PRDM2: variants seen among roughly 807,000 people sequenced by gnomAD.
The protein encoded by PRDM2 is PR domain zinc finger protein 2.
In PRDM2, 30 loss-of-function variants were observed where a neutral mutation model predicts 130.0. That is an observed-to-expected ratio of 0.23 (90% CI 0.17 to 0.31). The LOEUF is 0.31. PRDM2 is among the 10% of genes least tolerant of loss of function. PRDM2 has a pLI of 1.00. For synonymous variants in PRDM2, 871 were observed against 782.4 expected (o/e 1.11, Z -1.89); for missense variants, 2,011 against 2,108.4 (o/e 0.95, Z 0.90).
intron 2 of PRDM2, among the ~76,000 whole-genome samples, chr1:13,729,511 T>G (rs1557604175): frequency 6.6e-6 from 1 of 152,196 alleles, no homozygotes; most frequent in Non-Finnish European, 1.5e-5. Context: ...ACCTTTTCCC[T>G]CTTTGGAAAT....
At chr1:13,775,440 G>A (rs750765445) in intron 7 of PRDM2, among the ~76,000 whole-genome samples, 1 of 152,180 alleles carries the variant, frequency 6.6e-6, no homozygotes, top group Admixed American at 6.5e-5. Flanking sequence ...AAGAGAGGTA[G>A]CTCCTAATTT....
intron 1 of PRDM2, 83 bp from the exon 2 acceptor site, chr1:13,715,458 A>G (rs1314431338): frequency 3.7e-6 from 2 of 541,712 alleles, no homozygotes; most frequent in African/African-American, 2.0e-5. Flanking sequence ...CCTTTCAGCA[A>G]ACTCTACAGT....
intron 7 of PRDM2, among the ~76,000 whole-genome samples, chr1:13,775,553 A>G (rs1644457558): frequency 6.6e-6 from 1 of 152,216 alleles, no homozygotes; most frequent in African/African-American, 2.4e-5. Context: ...TCTGTTTGGA[A>G]ACAGAAACCT....
chr1:13,815,670 G>A (rs958798098), intron 8 of PRDM2, among the ~76,000 whole-genome samples: 1 of 152,154 alleles, frequency 6.6e-6, no homozygotes, highest in East Asian at 1.9e-4. Flanking sequence ...GAAAGGAGAG[G>A]ACTAATGGTG....
chr1:13,817,319 C>T (rs2463873), intron 9 of PRDM2, among the ~76,000 whole-genome samples: 1 of 152,148 alleles, frequency 6.6e-6, no homozygotes, highest in African/African-American at 2.4e-5. Context: ...TGTAATCTGT[C>T]CTAATCCATA....
rs554848527 is a variant in PRDM2, at chr1:13,727,097, A to G, written c.10-3903A>G. ...CTCCTACCTTCTCTGCTCTGGACACATGGGTCTTTTTGCCTGGATACTGCG... is the reference window on the plus strand; with the variant it reads ...CTCCTACCTTCTCTGCTCTGGACACGTGGGTCTTTTTGCCTGGATACTGCG... On this transcript the variant is annotated intron_variant, in intron 2 of 9. Coordinates refer to ENST00000311066, the MANE Select transcript of PRDM2 (RefSeq NM_001393986.1). Among the ~76,000 whole-genome samples, 177 of 152,104 alleles carry G rather than the reference A, an allele frequency of 1.2e-3. 3 individuals are homozygous for G. In the South Asian group the frequency reaches 0.036, roughly 31 times the overall value.
Position 13,824,160 on chromosome 1 carries a change from G to A in PRDM2, c.*1025G>A, listed in dbSNP as rs1645398092. 1 of 152,672 alleles carries A rather than the reference G, an allele frequency of 6.5e-6. No homozygotes were observed. Among genetic ancestry groups the A allele is most frequent in the African/African-American group, 2.4e-5 (1 of 41,452 alleles). The allele number at this position is 152,672 out of a possible 1,614,324, so 9.5% of individuals were successfully genotyped here. A position where few individuals can be genotyped will look rare whatever the true frequency, so the allele number is the denominator to read the frequency against. ...TCGGAGAAACGGGTGAGCTGAGCTTGGCGTTTGGACCCAGTTCAGTGAGGT... is the reference window on the plus strand; with the variant it reads ...TCGGAGAAACGGGTGAGCTGAGCTTAGCGTTTGGACCCAGTTCAGTGAGGT... On this transcript the variant is annotated 3_prime_UTR_variant, in exon 10 of 10. Transcript: ENST00000311066.
chr1:13,720,951 A>G (rs1204013562), intron 2 of PRDM2, among the ~76,000 whole-genome samples: 1 of 152,266 alleles, frequency 6.6e-6, no homozygotes, highest in African/African-American at 2.4e-5. Flanking sequence ...CCGTGTAACT[A>G]TCACTGCTGT....
At chr1:13,804,597 G>A (rs542962778) in intron 8 of PRDM2, among the ~76,000 whole-genome samples, 2 of 152,146 alleles carry the variant, frequency 1.3e-5, no homozygotes, top group Admixed American at 6.5e-5. Flanking sequence ...GCTCCGGGGG[G>A]GGAAATGATG....
chr1:13,724,386 G>A (rs1410979569), intron 2 of PRDM2, among the ~76,000 whole-genome samples: 1 of 152,080 alleles, frequency 6.6e-6, no homozygotes, highest in African/African-American at 2.4e-5. Context: ...CCTGTTTGGG[G>A]AAAGCAAATG....
At chr1:13,766,110 C>T (rs1168799143) in intron 6 of PRDM2, among the ~76,000 whole-genome samples, 2 of 152,140 alleles carry the variant, frequency 1.3e-5, no homozygotes, top group Non-Finnish European at 2.9e-5. Context: ...CTTTTTGCTC[C>T]AGAGTGTTCT....
intron 6 of PRDM2, among the ~76,000 whole-genome samples, chr1:13,772,497 C>CA (rs1644381705): frequency 6.6e-6 from 1 of 152,218 alleles, no homozygotes; most frequent in East Asian, 1.9e-4. Flanking sequence ...TTAGGGCTCT[C>CA]AGAGTGCCAT....
rs148608898 is a variant in PRDM2 at position 13,782,585 on chromosome 1, A to G, written c.4790A>G (p.Lys1597Arg). The change falls in exon 8 of 10, where the codon AAG becomes AGG. Residue 1597 changes from lysine (K) to arginine (R), a missense_variant. Lys to Arg is a conservative substitution (Grantham distance 26). Transcript: ENST00000311066. ...GGGAAAAAACCTAAAGCTGTGGCCA[A>G]GAATCATTCTGCTCAGCTTTCCAGC... Reference protein sequence around the residue: ...VEGKKPKAVAKNHSAQLSSKT... With the variant: ...VEGKKPKAVARNHSAQLSSKT... The G allele has an allele frequency of 2.0e-4, 327 of 1,614,238 alleles. 3 individuals carry two copies. The African/African-American group carries it at 3.8e-3, about 19-fold the overall frequency.
intron 8 of PRDM2, among the ~76,000 whole-genome samples, chr1:13,798,924 G>A (rs746694211): frequency 1.1e-4 from 17 of 152,196 alleles, no homozygotes; most frequent in Non-Finnish European, 2.1e-4. Context: ...ATTTGAATGG[G>A]CTGTGTTAAC....
Position 13,803,645 on chromosome 1 carries a change from G to A in PRDM2, c.5037-12782G>A, listed in dbSNP as rs1335709424. ...GGAAGGGCTGATCCCTGTGGCCTCTGGGGTCCCCTGCACTTCTCGGGTCTT... is the reference window on the plus strand; with the variant it reads ...GGAAGGGCTGATCCCTGTGGCCTCTAGGGTCCCCTGCACTTCTCGGGTCTT... On this transcript the variant is annotated intron_variant, in intron 8 of 9. Transcript: ENST00000311066. The surrounding 1 kb of genome is among the most constrained non-coding windows in gnomAD (Gnocchi z 6.2). 7.9e-5 allele frequency among the ~76,000 whole-genome samples: 12 copies of A among 152,128 alleles called. No individual in the cohort carries two copies. Among genetic ancestry groups the A allele is most frequent in the Admixed American group, 6.5e-4 (10 of 15,274 alleles).
chr1:13,779,749 G>T lies in PRDM2; in HGVS notation c.1954G>T (p.Ala652Ser). ...CCCACCTGCACTGCCCAAAATTAAG[G>T]CCGAAACAGACTCTGACCCCATGGT... ...ASPPALPKIK[A>S]ETDSDPMVPS... The change falls in exon 8 of 10, where the codon GCC becomes TCC. Residue 652 changes from alanine to serine, a missense_variant. Coordinates refer to ENST00000311066, the MANE Select transcript of PRDM2 (RefSeq NM_001393986.1). This position sits in a 1 kb window ranked among gnomAD's most constrained non-coding sequence, Gnocchi z 4.9. 6.2e-7 allele frequency: 1 copy of T among 1,614,136 alleles called. No homozygotes were observed. Among genetic ancestry groups the T allele is most frequent in the Non-Finnish European group, 8.5e-7 (1 of 1,180,016 alleles).
chr1:13,816,200 C>G (rs922697149), intron 8 of PRDM2, among the ~76,000 whole-genome samples: 1 of 152,182 alleles, frequency 6.6e-6, no homozygotes, highest in African/African-American at 2.4e-5. Context: ...CTGCGATCGC[C>G]TCCGAGGGGA....
intron 6 of PRDM2, among the ~76,000 whole-genome samples, chr1:13,751,697 G>T (rs1258007917): frequency 6.6e-6 from 1 of 152,100 alleles, no homozygotes; most frequent in Non-Finnish European, 1.5e-5. Context: ...ACATAGAGCC[G>T]ACAGGTAGAT....
At chr1:13,756,705 T>G (rs1372648720) in intron 6 of PRDM2, among the ~76,000 whole-genome samples, 1 of 152,264 alleles carries the variant, frequency 6.6e-6, no homozygotes, top group Non-Finnish European at 1.5e-5. Flanking sequence ...GATGTGGACA[T>G]ATGTCATGAC....
Sources: allele counts gnomAD v4.1 joint callset (sites outside exome capture counted in the v4.1 genomes callset), GRCh38; gene constraint gnomAD v4.1.1; non-coding constraint Gnocchi (gnomAD v3.1); transcripts MANE v1.5; gene names NCBI Gene and HGNC (gene_info 2026-07-23, HGNC 2026-07-21).